The following TLL1 variants were observed in gnomAD, a reference collection of about 807,000 sequenced individuals.
TLL1 encodes the protein tolloid-like protein 1.
TLL1 carries 49 observed loss-of-function variants against 128.2 expected under a neutral mutation model. The ratio of observed to expected loss-of-function variants is 0.38; its 90% CI spans 0.30 to 0.48. The LOEUF (loss-of-function observed/expected upper bound fraction) is 0.48, where lower values mean the gene tolerates loss of function less well. TLL1 is among the 20% of genes least tolerant of loss of function. The pLI is 0.96. For missense variants in TLL1, 1,123 were observed against 1,242.0 expected, an observed-to-expected ratio of 0.90 and a Z score of 1.44; for synonymous variants, 454 against 418.8, an observed-to-expected ratio of 1.08 and a Z score of -1.03.
At chr4:166,099,563 T>C (rs1337879145) in intron 20 of TLL1, 36 bp downstream of exon 20, 5 of 1,611,928 alleles carry the variant, frequency 3.1e-6, no homozygotes, top group East Asian at 4.5e-5. Context: ...CTAGACATGA[T>C]TAAAGATGCC....
At chr4:165,892,290 C>T (rs1731462734) in intron 1 of TLL1, among the ~76,000 whole-genome samples, 1 of 152,216 alleles carries the variant, frequency 6.6e-6, no homozygotes, top group South Asian at 2.1e-4. Context: ...CATGTCAACA[C>T]TCATTCAAAA....
intron 5 of TLL1, 69 bp downstream of exon 5, chr4:165,995,247 T>C: frequency 9.0e-7 from 1 of 1,114,130 alleles, no homozygotes; most frequent in Non-Finnish European, 1.4e-6. Context: ...TAAATGTCCA[T>C]AGGTAAGATT....
chr4:166,096,773 T>C (rs1232457607), intron 19 of TLL1, among the ~76,000 whole-genome samples: 1 of 152,188 alleles, frequency 6.6e-6, no homozygotes, highest in Non-Finnish European at 1.5e-5. Context: ...TTTAAAAATC[T>C]GTAAATGAGA....
In TLL1 at chr4:166,091,284, C is replaced by A; in HGVS notation, c.2599C>A (p.Arg867=). The stretch of plus-strand genomic sequence containing the variant: ...GGCTACTGGAAATAAAATGTTTGTT[C>A]GGTTTGTTTCTGATGCATCTGTTCA... ...LVATGNKMFV[R]FVSDASVQRK... is the part of the protein sequence containing the mutation. Residue 867 remains arginine (R), a synonymous_variant, in exon 19 of 21, where the codon CGG becomes AGG. Transcript: ENST00000061240. The A allele has an allele frequency of 6.2e-7, 1 of 1,612,956 alleles. No homozygotes were observed. The highest frequency in any genetic ancestry group is 8.5e-7 in the Non-Finnish European group (1 of 1,179,384).
intron 6 of TLL1, among the ~76,000 whole-genome samples, chr4:166,007,404 G>C (rs1416793418): frequency 6.6e-6 from 1 of 151,696 alleles, no homozygotes; most frequent in African/African-American, 2.4e-5. Flanking sequence ...TTAAATGAAA[G>C]TAGAGAATTT....
chr4:165,978,676 G>T (rs1480164933), intron 1 of TLL1, among the ~76,000 whole-genome samples: 8 of 152,082 alleles, frequency 5.3e-5, no homozygotes, highest in Non-Finnish European at 1.2e-4. Context: ...TGTCTTTGTG[G>T]CTATGCCACC....
At chr4:166,076,868 A>G (rs1450306861) in intron 17 of TLL1, among the ~76,000 whole-genome samples, 1 of 152,212 alleles carries the variant, frequency 6.6e-6, no homozygotes, top group Non-Finnish European at 1.5e-5. Context: ...ACCTAGCACA[A>G]TTAAGGTGAA....
At chr4:165,889,323 TATA>T (rs1473978072) in intron 1 of TLL1, among the ~76,000 whole-genome samples, 1 of 152,246 alleles carries the variant, frequency 6.6e-6, no homozygotes, top group Non-Finnish European at 1.5e-5. Context: ...ATGGGGATTT[TATA>T]ATAATCAAAC....
Position 166,103,715 on chromosome 4 carries a change from A to G in TLL1, c.*2839A>G, listed in dbSNP as rs1462286370. ...AAAGTACAGACAGCTTCATTGTTGTATTGTTAATAATTGTTACTTACTGCT... is the reference window on the plus strand; with the variant it reads ...AAAGTACAGACAGCTTCATTGTTGTGTTGTTAATAATTGTTACTTACTGCT... On this transcript the variant is annotated 3_prime_UTR_variant, in exon 21 of 21. Transcript: ENST00000061240. The G allele has an allele frequency of 2.0e-5, 3 of 151,670 alleles. No homozygotes were observed. The highest frequency in any genetic ancestry group is 4.4e-5 in the Non-Finnish European group (3 of 67,822). The allele number at this position is 151,670 out of a possible 1,614,324, so 9.4% of individuals were successfully genotyped here.
chr4:165,916,039 G>T (rs893675653), intron 1 of TLL1, among the ~76,000 whole-genome samples: 1 of 152,166 alleles, frequency 6.6e-6, no homozygotes, highest in Non-Finnish European at 1.5e-5. Flanking sequence ...AGTTGGCCTT[G>T]TTTCATGTTT....
chr4:165,924,693 A>C (rs1048707805), intron 1 of TLL1, among the ~76,000 whole-genome samples: 1 of 152,240 alleles, frequency 6.6e-6, no homozygotes, highest in Non-Finnish European at 1.5e-5. Flanking sequence ...CATATTTTCA[A>C]TGTAGATGGA....
At position 166,103,161 on chromosome 4, in the gene TLL1, C is replaced by T. The variant is rs1443051193; in HGVS notation, c.*2285C>T. 2 of 151,802 alleles carry T rather than the reference C, an allele frequency of 1.3e-5. No homozygotes were observed. The highest frequency in any genetic ancestry group is 1.3e-4 in the Admixed American group (2 of 15,188). The allele number at this position is 151,802 out of a possible 1,614,324, so 9.4% of individuals were successfully genotyped here. A position where few individuals can be genotyped will look rare whatever the true frequency, so the allele number is the denominator to read the frequency against. ...ACCCAGTTTATCTTATACAAATGAG[C>T]CTCTGCTTGTTCTACAAAGGTAGTA... On this transcript the variant is annotated 3_prime_UTR_variant, in exon 21 of 21. Coordinates refer to ENST00000061240, the MANE Select transcript of TLL1 (RefSeq NM_012464.5).
At chr4:165,874,792 G>T (rs1416875391) in intron 1 of TLL1, among the ~76,000 whole-genome samples, 2 of 152,216 alleles carry the variant, frequency 1.3e-5, no homozygotes, top group African/African-American at 4.8e-5. Context: ...TTCTTGCCTC[G>T]CAGGGTCCCT....
chr4:166,049,327 A>G (rs1360043750), intron 12 of TLL1, among the ~76,000 whole-genome samples: 1 of 152,186 alleles, frequency 6.6e-6, no homozygotes, highest in African/African-American at 2.4e-5. Context: ...TTCTATTGAT[A>G]TAATATTACG....
At chr4:165,926,881 GAA>G (rs1335863271) in intron 1 of TLL1, among the ~76,000 whole-genome samples, 8 of 152,162 alleles carry the variant, frequency 5.3e-5, no homozygotes, top group Non-Finnish European at 1.5e-5. Flanking sequence ...TTGTAATGAT[GAA>G]GTTTTATTGC....
chr4:166,024,695 T>A (rs1015170700), intron 8 of TLL1, among the ~76,000 whole-genome samples: 1 of 152,188 alleles, frequency 6.6e-6, no homozygotes, highest in Non-Finnish European at 1.5e-5. Flanking sequence ...ATACACAAAT[T>A]GCTTTTTTAG....
intron 7 of TLL1, among the ~76,000 whole-genome samples, chr4:166,013,384 G>C (rs868060994): frequency 5.0e-4 from 76 of 151,918 alleles, no homozygotes; most frequent in East Asian, 1.9e-4. Flanking sequence ...CCTAATGGAG[G>C]CTAAGTAGAG....
chr4:166,008,066 T>C lies in TLL1; in HGVS notation c.917+18T>C. 6.3e-7 allele frequency: 1 copy of C among 1,587,876 alleles called. No homozygotes were observed. The highest frequency in any genetic ancestry group is 1.3e-5 in the African/African-American group (1 of 74,334). On this transcript the variant is annotated intron_variant, in intron 7 of 20. Transcript: ENST00000061240. ...TTCTCAAGGTTGGAGTCTCAGGTTA[T>C]ACCTTTTGACTTTTAATTCCTTTCC...
intron 1 of TLL1, among the ~76,000 whole-genome samples, chr4:165,921,669 C>A (rs115481874): frequency 6.6e-6 from 1 of 152,110 alleles, no homozygotes; most frequent in Admixed American, 6.5e-5. Context: ...GACAAGGTGA[C>A]GTTCTAAGCC....
Sources: allele counts gnomAD v4.1 joint callset (sites outside exome capture counted in the v4.1 genomes callset), GRCh38; gene constraint gnomAD v4.1.1; transcripts MANE v1.5; gene names NCBI Gene and HGNC (gene_info 2026-07-23, HGNC 2026-07-21).